The following RTN4IP1 variants were observed in gnomAD, a reference collection of about 807,000 sequenced individuals.
RTN4IP1 encodes NAD(P)H oxidoreductase RTN4IP1, mitochondrial.
Under a neutral mutation model 46.6 loss-of-function variants are expected in RTN4IP1, and 32 were observed. The ratio of observed to expected loss-of-function variants is 0.69; its 90% confidence interval spans 0.52 to 0.92. The LOEUF (loss-of-function observed/expected upper bound fraction) is 0.92. RTN4IP1 is among the 40% of genes least tolerant of loss of function. The pLI is 0.00. For missense variants in RTN4IP1, 424 were observed against 485.8 expected, an observed-to-expected ratio of 0.87 and a Z score of 1.20; for synonymous variants, 167 against 161.8, an observed-to-expected ratio of 1.03 and a Z score of -0.24.
chr6:106,601,421 T>C (rs145619648), intron 5 of RTN4IP1, among the ~76,000 whole-genome samples: 105 of 152,280 alleles, frequency 6.9e-4, no homozygotes, highest in African/African-American at 2.5e-3. Context: ...TTAATTTTGA[T>C]GAATTTTTTT....
intron 8 of RTN4IP1, among the ~76,000 whole-genome samples, chr6:106,574,487 C>G (rs1425158365): frequency 6.6e-6 from 1 of 151,860 alleles, no homozygotes; most frequent in African/African-American, 2.4e-5. Flanking sequence ...CCACATGAAA[C>G]CTGAACCTAT....
At position 106,602,925 on chromosome 6, in the gene RTN4IP1, G is replaced by A. The variant is rs749984974; in HGVS notation, c.621-3C>T. 1 of 1,599,494 alleles carries A rather than the reference G, an allele frequency of 6.3e-7. No homozygotes were observed. Among genetic ancestry groups the A allele is most frequent in the Non-Finnish European group, 8.5e-7 (1 of 1,173,770 alleles). On this transcript the variant is annotated splice_polypyrimidine_tract_variant and splice_region_variant and intron_variant, in intron 4 of 8. Transcript: ENST00000369063. Reference sequence around the variant, plus strand: ...CTGAAGCGCCTAAGATTAGAACACTGAAATGCAAAGGAAACCACAATTAAC... The same window carrying A: ...CTGAAGCGCCTAAGATTAGAACACTAAAATGCAAAGGAAACCACAATTAAC...
At chr6:106,591,562 T>C (rs1294278123) in intron 6 of RTN4IP1, among the ~76,000 whole-genome samples, 1 of 152,190 alleles carries the variant, frequency 6.6e-6, no homozygotes, top group African/African-American at 2.4e-5. Flanking sequence ...TCCTCATTTC[T>C]GCTCTCAGCT....
chr6:106,600,817 C>T (rs1055323530), intron 5 of RTN4IP1, among the ~76,000 whole-genome samples: 1 of 152,046 alleles, frequency 6.6e-6, no homozygotes, highest in Non-Finnish European at 1.5e-5. Context: ...GTCTATACCA[C>T]ATTTTGTTTA....
chr6:106,616,450 G>A (rs957407224), intron 4 of RTN4IP1, among the ~76,000 whole-genome samples: 1 of 151,978 alleles, frequency 6.6e-6, no homozygotes, highest in Non-Finnish European at 1.5e-5. Flanking sequence ...GCTGATAGGT[G>A]TTTTTGTCAT....
intron 5 of RTN4IP1, among the ~76,000 whole-genome samples, chr6:106,597,490 T>A (rs997834580): frequency 1.3e-5 from 2 of 152,002 alleles, no homozygotes; most frequent in South Asian, 4.2e-4. Flanking sequence ...ATTACAGGTA[T>A]GAGCCACCAT....
Position 106,628,957 on chromosome 6 carries a change from C to T in RTN4IP1, c.65G>A (p.Ser22Asn). ...AACTGAAGGCTTTTGGACAACTTTG[C>T]TTCTCCAGAAGCAAACCGCAGTGCA... ...NACTAVCFWRSKVVQKPSVRR... is the reference protein window; with the variant it reads ...NACTAVCFWRNKVVQKPSVRR... Residue 22 changes from serine (S) to asparagine (N), a missense_variant, in exon 1 of 9, where the codon AGC becomes AAC. Transcript: ENST00000369063. 1 of 1,614,124 alleles carries T rather than the reference C, an allele frequency of 6.2e-7. No individual in the cohort carries two copies. Among genetic ancestry groups the T allele is most frequent in the Non-Finnish European group, 8.5e-7 (1 of 1,180,008 alleles).
chr6:106,618,103 G>T (rs1317144091), intron 4 of RTN4IP1, among the ~76,000 whole-genome samples: 1 of 152,122 alleles, frequency 6.6e-6, no homozygotes, highest in Non-Finnish European at 1.5e-5. Context: ...TCTAAGATAA[G>T]GAAGGGTAGT....
At position 106,622,799 on chromosome 6, in the gene RTN4IP1, G is replaced by A. The variant is rs1403150393; in HGVS notation, c.426+19C>T. 6.2e-7 allele frequency: 1 copy of A among 1,606,172 alleles called. No individual in the cohort carries two copies. On this transcript the variant is annotated intron_variant, in intron 2 of 8. Transcript: ENST00000369063. ...TGTGGGTTGGATCCCCGCAGGAATAGTGGCATTCCCTAACTCACCTCATCT... is the reference window on the plus strand; with the variant it reads ...TGTGGGTTGGATCCCCGCAGGAATAATGGCATTCCCTAACTCACCTCATCT...
rs113968187 is a variant in RTN4IP1 at position 106,629,435 on chromosome 6, G to A, written c.-414C>T. On this transcript the variant is annotated 5_prime_UTR_variant, in exon 1 of 9. Coordinates refer to ENST00000369063, the MANE Select transcript of RTN4IP1 (RefSeq NM_032730.5). ...GAGAATCGAACGCTTGCCGACTGCCGCCGCGACCCTGGCCCGGAATCTCCT... is the reference window on the plus strand; with the variant it reads ...GAGAATCGAACGCTTGCCGACTGCCACCGCGACCCTGGCCCGGAATCTCCT... The A allele has an allele frequency of 0.044, 25,731 of 589,638 alleles. 764 individuals are homozygous for A. The highest frequency in any genetic ancestry group is 0.093 in the South Asian group (4,291 of 46,108). The allele number at this position is 589,638 out of a possible 1,614,324, so 36.5% of individuals were successfully genotyped here. A position where few individuals can be genotyped will look rare whatever the true frequency, so the allele number is the denominator to read the frequency against.
intron 5 of RTN4IP1, among the ~76,000 whole-genome samples, chr6:106,596,931 TA>T (rs1775807882): frequency 6.6e-6 from 1 of 152,198 alleles, no homozygotes; most frequent in Non-Finnish European, 1.5e-5. Context: ...CCAAAAGTGT[TA>T]CTGCCAAAAA....
At chr6:106,630,082 C>A (rs1334577251), upstream of RTN4IP1, among the ~76,000 whole-genome samples, 1 of 152,020 alleles carries the variant, frequency 6.6e-6, no homozygotes. Flanking sequence ...AGAAGCCCGG[C>A]GAAACTGTAG....
chr6:106,580,082 C>A (rs533517759), intron 8 of RTN4IP1, among the ~76,000 whole-genome samples: 2 of 151,554 alleles, frequency 1.3e-5, no homozygotes, highest in Admixed American at 6.6e-5. Flanking sequence ...GGCATGGTGG[C>A]GGGCGCCTGT....
At chr6:106,590,018 T>C (rs928754484) in intron 6 of RTN4IP1, among the ~76,000 whole-genome samples, 1 of 152,120 alleles carries the variant, frequency 6.6e-6, no homozygotes, top group Non-Finnish European at 1.5e-5. Context: ...ATTCCAGACA[T>C]GTATAAAACT....
chr6:106,605,404 AACAGAGCG>A (rs1455331293), intron 4 of RTN4IP1, among the ~76,000 whole-genome samples: 2 of 146,078 alleles, frequency 1.4e-5, no homozygotes, highest in African/African-American at 5.1e-5. Context: ...CCAGCCTGGC[AACAGAGCG>A]AGACCCTGTC....
At chr6:106,608,678 T>C (rs1217638283) in intron 4 of RTN4IP1, among the ~76,000 whole-genome samples, 1 of 152,214 alleles carries the variant, frequency 6.6e-6, no homozygotes, top group African/African-American at 2.4e-5. Flanking sequence ...ATTAATCTAT[T>C]ATCAGTTGAT....
At chr6:106,586,826 C>T (rs7771502) in intron 7 of RTN4IP1, among the ~76,000 whole-genome samples, 11,504 of 152,218 alleles carry the variant, frequency 0.076, 473 homozygotes, top group Middle Eastern at 0.1. Flanking sequence ...AGAGAGCAGA[C>T]GCTCAAGCTC....
At chr6:106,589,349 G>GAAA (rs1434131010) in intron 6 of RTN4IP1, among the ~76,000 whole-genome samples, 1 of 149,862 alleles carries the variant, frequency 6.7e-6, no homozygotes, top group East Asian at 2.0e-4. Flanking sequence ...AGAAGAAGAA[G>GAAA]AAAAAAGGCA....
intron 7 of RTN4IP1, 56 bp from the exon 8 acceptor site, chr6:106,583,476 A>G: frequency 2.1e-6 from 3 of 1,417,836 alleles, no homozygotes; most frequent in Non-Finnish European, 2.9e-6. Flanking sequence ...ATCTGACTAA[A>G]TGCAGATTTA....
Sources: gnomAD v4.1 joint callset for allele counts (sites outside exome capture counted in the v4.1 genomes callset) on GRCh38, gnomAD v4.1.1 for gene constraint, MANE v1.5 for transcripts, NCBI Gene and HGNC (gene_info 2026-07-23, HGNC 2026-07-21) for gene names.